The following PRDM1 variants were observed in gnomAD, a reference collection of about 807,000 sequenced individuals.
PRDM1 encodes the protein PR domain zinc finger protein 1.
PRDM1 carries 13 observed loss-of-function variants against 62.8 expected under a neutral mutation model. The observed-to-expected ratio is 0.21, with a 90% CI of 0.13 to 0.33. The LOEUF (loss-of-function observed/expected upper bound fraction) is 0.33. Ranked by LOEUF, PRDM1 falls within the 10% of genes least tolerant of loss-of-function variation. The probability of loss-of-function intolerance (pLI) is 1.00; values close to 1 mark genes in which losing one functional copy is unlikely to be tolerated. For synonymous variants in PRDM1, 396 were observed against 417.6 expected (o/e 0.95, Z 0.63); for missense variants, 895 against 1,058.8 (o/e 0.85, Z 2.15).
chr6:106,016,063 C>A (rs1772615503), intron 1 of PRDM1, among the ~76,000 whole-genome samples: 1 of 152,152 alleles, frequency 6.6e-6, no homozygotes, highest in African/African-American at 2.4e-5. Flanking sequence ...TATGTAAAAT[C>A]ATACAATATT....
chr6:106,052,668 C>T (rs982445493), intron 1 of PRDM1, among the ~76,000 whole-genome samples: 1 of 151,932 alleles, frequency 6.6e-6, no homozygotes, highest in Non-Finnish European at 1.5e-5. Flanking sequence ...AAAAATACAT[C>T]ACTTTAAAAA....
chr6:106,079,313 GA>G (rs1009173983), intron 1 of PRDM1, among the ~76,000 whole-genome samples: 3 of 150,564 alleles, frequency 2.0e-5, no homozygotes, highest in African/African-American at 2.4e-5. Flanking sequence ...ATCAGTGAGG[GA>G]AAAAAAAATA....
At chr6:106,101,647 G>A (rs986319866) in intron 4 of PRDM1, among the ~76,000 whole-genome samples, 2 of 152,194 alleles carry the variant, frequency 1.3e-5, no homozygotes, top group African/African-American at 2.4e-5. Flanking sequence ...TGTCTTAGGC[G>A]TGGCAGCTGA....
intron 3 of PRDM1, chr6:106,098,738 T>C: frequency 7.0e-7 from 1 of 1,425,802 alleles, no homozygotes; most frequent in Non-Finnish European, 9.4e-7. Flanking sequence ...TTCCAAGTAT[T>C]CATATGAACA....
intron 1 of PRDM1, among the ~76,000 whole-genome samples, chr6:106,079,186 A>G (rs756240756): frequency 3.3e-5 from 5 of 152,088 alleles, no homozygotes; most frequent in Middle Eastern, 3.4e-3. Context: ...GCTGGTCTCA[A>G]ACTCCTGACT....
At chr6:106,048,486 A>G (rs1486894942), upstream of PRDM1, among the ~76,000 whole-genome samples, 1 of 152,224 alleles carries the variant, frequency 6.6e-6, no homozygotes, top group Non-Finnish European at 1.5e-5. Flanking sequence ...TGTGATGTCA[A>G]CAGCTTAGTT....
intron 2 of PRDM1, among the ~76,000 whole-genome samples, chr6:106,092,877 C>T (rs1424978629): frequency 6.6e-6 from 1 of 152,166 alleles, no homozygotes; most frequent in African/African-American, 2.4e-5. Context: ...TAAGTGCCTT[C>T]CAGTTTTGAA....
chr6:105,998,488 G>A (rs1459477893), intron 1 of PRDM1, among the ~76,000 whole-genome samples: 1 of 152,138 alleles, frequency 6.6e-6, no homozygotes, highest in African/African-American at 2.4e-5. Flanking sequence ...AATATATAAG[G>A]TGCAACGTTT....
intron 4 of PRDM1, among the ~76,000 whole-genome samples, chr6:106,104,007 GCTTTAT>G (rs1165409349): frequency 6.6e-6 from 1 of 152,194 alleles, no homozygotes; most frequent in Non-Finnish European, 1.5e-5. Flanking sequence ...TTTGAACAGG[GCTTTAT>G]CAAATTCGTA....
chr6:106,090,880 CTTTT>C (rs780599783), intron 2 of PRDM1, among the ~76,000 whole-genome samples: 1 of 137,108 alleles, frequency 7.3e-6, no homozygotes. Flanking sequence ...GTGTCAGCAC[CTTTT>C]TTTTTTTTTT....
At chr6:106,079,702 G>A (rs1165743136) in intron 1 of PRDM1, among the ~76,000 whole-genome samples, 1 of 152,164 alleles carries the variant, frequency 6.6e-6, no homozygotes, top group Non-Finnish European at 1.5e-5. Context: ...GGAGGCTGAG[G>A]CACAAGAATT....
At chr6:106,100,253 CTT>C (rs1774231254) in intron 4 of PRDM1, 1 of 152,224 alleles carries the variant, frequency 6.6e-6, no homozygotes, top group Non-Finnish European at 1.5e-5. Flanking sequence ...CAAGTGATCT[CTT>C]TGAGCAATTT....
intron 1 of PRDM1, among the ~76,000 whole-genome samples, chr6:106,016,709 C>T (rs925658747): frequency 5.6e-5 from 8 of 142,034 alleles, no homozygotes; most frequent in Admixed American, 7.5e-5. Context: ...AGTGCAGTGG[C>T]GCAATATCGG....
intron 1 of PRDM1, among the ~76,000 whole-genome samples, chr6:106,078,624 C>A (rs1453595475): frequency 6.6e-6 from 1 of 152,226 alleles, no homozygotes; most frequent in Non-Finnish European, 1.5e-5. Flanking sequence ...GTAATCCCAA[C>A]ACTGTGGCAG....
At chr6:106,103,209 T>TA (rs1319032722) in intron 4 of PRDM1, among the ~76,000 whole-genome samples, 1 of 152,142 alleles carries the variant, frequency 6.6e-6, no homozygotes, top group Non-Finnish European at 1.5e-5. Context: ...GAGGAACTGA[T>TA]AACCGCTGGC....
At chr6:106,084,882 G>A (rs1028341760), upstream of PRDM1, among the ~76,000 whole-genome samples, 1 of 152,128 alleles carries the variant, frequency 6.6e-6, no homozygotes, top group Non-Finnish European at 1.5e-5. Context: ...AGCAAGCAGC[G>A]AGTGTGTGCT....
intron 1 of PRDM1, among the ~76,000 whole-genome samples, chr6:106,013,992 A>G (rs1167492998): frequency 1.3e-5 from 2 of 149,120 alleles, no homozygotes; most frequent in African/African-American, 4.9e-5. Context: ...GTCTAAATGT[A>G]TTTATTTGTT....
chr6:106,056,727 A>G (rs1484471721), intron 1 of PRDM1, among the ~76,000 whole-genome samples: 1 of 152,230 alleles, frequency 6.6e-6, no homozygotes, highest in African/African-American at 2.4e-5. Flanking sequence ...ATTCATTTAC[A>G]TTCTCTCCTG....
At chr6:106,101,065 A>G (rs1774255691) in intron 4 of PRDM1, among the ~76,000 whole-genome samples, 1 of 152,146 alleles carries the variant, frequency 6.6e-6, no homozygotes. Flanking sequence ...ACAAATGCAC[A>G]GGCACAGTGG....
Sources: gnomAD v4.1 joint callset for allele counts (sites outside exome capture counted in the v4.1 genomes callset) on GRCh38, gnomAD v4.1.1 for gene constraint, MANE v1.5 for transcripts, NCBI Gene and HGNC (gene_info 2026-07-23, HGNC 2026-07-21) for gene names.